Variants in CUBN observed in about 807,000 individuals in gnomAD.
The protein encoded by CUBN is cubilin, also known as 460 kDa receptor.
Under a neutral mutation model 405.3 loss-of-function variants are expected in CUBN, and 282 were observed. The ratio of observed to expected loss-of-function variants is 0.70; its 90% confidence interval spans 0.63 to 0.77. CUBN has a LOEUF of 0.77. Ranked by LOEUF, CUBN falls within the 30% of genes least tolerant of loss-of-function variation. The pLI, the probability that CUBN is intolerant of heterozygous loss-of-function variation, is 0.00. For missense variants in CUBN, 4,514 were observed against 4,475.2 expected (o/e 1.01, Z -0.25); for synonymous variants, 1,684 against 1,617.0 (o/e 1.04, Z -0.99).
chr10:17,065,126 C>G, intron 22 of CUBN, among the ~76,000 whole-genome samples: 1 of 32,348 alleles, frequency 3.1e-5, no homozygotes, highest in Non-Finnish European at 6.3e-5. Context: ...TTCTCTCTCT[C>G]TCTCCCCCCC....
At chr10:16,866,316 G>C (rs1840181524) in intron 59 of CUBN, among the ~76,000 whole-genome samples, 1 of 152,128 alleles carries the variant, frequency 6.6e-6, no homozygotes, top group African/African-American at 2.4e-5. Flanking sequence ...GCAACTCTCT[G>C]GTATGAGACC....
chr10:17,055,892 T>C (rs946373915), intron 22 of CUBN, among the ~76,000 whole-genome samples: 7 of 152,228 alleles, frequency 4.6e-5, no homozygotes, highest in Non-Finnish European at 8.8e-5. Flanking sequence ...TCTCAAGTTT[T>C]TTTATATATT....
rs777722671 is a variant in CUBN, at chr10:17,104,483, A to C, written c.1353T>G (p.Val451=). 1 of 1,614,032 alleles carries C rather than the reference A, an allele frequency of 6.2e-7. No individual in the cohort carries two copies. The highest frequency in any genetic ancestry group is 8.5e-7 in the Non-Finnish European group (1 of 1,180,016). Reference sequence around the variant, plus strand: ...GTGTGCATTCACAACTGAAAGAATCAACGCCATCAACACAAGTTCCTCCAT... The same window carrying C: ...GTGTGCATTCACAACTGAAAGAATCCACGCCATCAACACAAGTTCCTCCAT... ...CLNGGTCVDG[V]DSFSCECTRL... is the part of the protein sequence containing the mutation. The change falls in exon 12 of 67, where the codon GTT becomes GTG. Residue 451 remains valine (V), a synonymous_variant. Transcript: ENST00000377833.
At chr10:16,897,665 T>G (rs1841226899) in intron 54 of CUBN, among the ~76,000 whole-genome samples, 1 of 152,084 alleles carries the variant, frequency 6.6e-6, no homozygotes, top group Non-Finnish European at 1.5e-5. Context: ...AATCTCAGCT[T>G]TACAGGTGTT....
intron 31 of CUBN, among the ~76,000 whole-genome samples, chr10:16,955,584 A>G (rs1843038743): frequency 6.6e-6 from 1 of 152,070 alleles, no homozygotes; most frequent in East Asian, 1.9e-4. Context: ...CAGTGTCTGG[A>G]TGAATTTTTG....
At chr10:17,019,576 A>G (rs1834437405) in intron 28 of CUBN, among the ~76,000 whole-genome samples, 1 of 152,030 alleles carries the variant, frequency 6.6e-6, no homozygotes, top group Non-Finnish European at 1.5e-5. Flanking sequence ...TTCTTTCTTT[A>G]TCTAAGGCAA....
At chr10:17,117,405 C>G (rs1836929734) in intron 6 of CUBN, among the ~76,000 whole-genome samples, 1 of 152,042 alleles carries the variant, frequency 6.6e-6, no homozygotes, top group African/African-American at 2.4e-5. Context: ...GATGGAGTCT[C>G]ACTCTGTCAC....
At chr10:17,091,702 T>C (rs1317355824) in intron 14 of CUBN, among the ~76,000 whole-genome samples, 1 of 152,188 alleles carries the variant, frequency 6.6e-6, no homozygotes, top group African/African-American at 2.4e-5. Flanking sequence ...GTTAACTTCA[T>C]AATAGAAAAG....
chr10:16,937,542 G>T, intron 39 of CUBN, 50 bp downstream of exon 39: 1 of 1,491,382 alleles, frequency 6.7e-7, no homozygotes, highest in Non-Finnish European at 9.3e-7. Flanking sequence ...TTGAAACATT[G>T]GCCTGCACAT....
At chr10:17,088,900 A>G (rs1006611776) in intron 14 of CUBN, among the ~76,000 whole-genome samples, 29 of 152,318 alleles carry the variant, frequency 1.9e-4, no homozygotes, top group Admixed American at 1.2e-3. Context: ...TGAGGGACTG[A>G]GCCAGGCTTT....
At chr10:17,021,118 A>ATT (rs151045351) in intron 27 of CUBN, among the ~76,000 whole-genome samples, 1 of 149,566 alleles carries the variant, frequency 6.7e-6, no homozygotes, top group Admixed American at 6.7e-5. Context: ...ACATTGAAGG[A>ATT]TTTTTTTTTT....
intron 22 of CUBN, among the ~76,000 whole-genome samples, chr10:17,054,516 T>C (rs935496349): frequency 4.6e-5 from 7 of 151,268 alleles, no homozygotes; most frequent in African/African-American, 1.7e-4. Context: ...ATAGAGAAAA[T>C]AAACAATGTC....
intron 28 of CUBN, among the ~76,000 whole-genome samples, chr10:16,992,430 C>T (rs1268010005): frequency 6.6e-6 from 1 of 152,128 alleles, no homozygotes; most frequent in Non-Finnish European, 1.5e-5. Flanking sequence ...CTCCTCACTC[C>T]ATTATGAGTA....
At chr10:16,919,886 A>C in intron 44 of CUBN, 77 bp downstream of exon 44, 1 of 1,449,788 alleles carries the variant, frequency 6.9e-7, no homozygotes, top group Non-Finnish European at 9.6e-7. Flanking sequence ...TACTGAAAGA[A>C]ATGGACTGTT....
At chr10:17,022,815 A>T (rs1461156313) in intron 27 of CUBN, among the ~76,000 whole-genome samples, 1 of 152,210 alleles carries the variant, frequency 6.6e-6, no homozygotes, top group Non-Finnish European at 1.5e-5. Flanking sequence ...CCCAAATCTT[A>T]ACCTTTGGAT....
chr10:16,983,034 T>A (rs1833319340), intron 30 of CUBN, among the ~76,000 whole-genome samples: 1 of 152,190 alleles, frequency 6.6e-6, no homozygotes, highest in African/African-American at 2.4e-5. Flanking sequence ...TAGTAGTGCA[T>A]GCATTTAAAA....
At chr10:16,836,409 G>A (rs1450315969) in intron 62 of CUBN, 27 bp from the exon 63 acceptor site, 1 of 1,606,624 alleles carries the variant, frequency 6.2e-7, no homozygotes, top group African/African-American at 1.3e-5. Flanking sequence ...GCCAAATCAT[G>A]TTAGATTTAG....
intron 22 of CUBN, among the ~76,000 whole-genome samples, chr10:17,053,089 T>C (rs1167421997): frequency 6.6e-6 from 1 of 151,490 alleles, no homozygotes; most frequent in Non-Finnish European, 1.5e-5. Flanking sequence ...AAAAAAGGTA[T>C]CATTAAAAAG....
intron 22 of CUBN, among the ~76,000 whole-genome samples, chr10:17,057,761 T>C (rs1169370146): frequency 6.6e-6 from 1 of 151,742 alleles, no homozygotes; most frequent in African/African-American, 2.4e-5. Context: ...GGAAGGCTAG[T>C]CAGCAATAGA....
Sources: allele counts gnomAD v4.1 joint callset (sites outside exome capture counted in the v4.1 genomes callset), GRCh38; gene constraint gnomAD v4.1.1; transcripts MANE v1.5; gene names NCBI Gene and HGNC (gene_info 2026-07-23, HGNC 2026-07-21).